Variants in SEC14L1 observed in about 807,000 individuals in gnomAD.
The protein encoded by SEC14L1 is SEC14-like protein 1.
In SEC14L1, 48 loss-of-function variants were observed where a neutral mutation model predicts 85.3. That is an observed-to-expected ratio of 0.56 (90% CI 0.45 to 0.72). The LOEUF (loss-of-function observed/expected upper bound fraction) is 0.72. Among genes scored for constraint, SEC14L1 ranks in the 30% least tolerant of loss-of-function variants. The pLI, the probability that SEC14L1 is intolerant of heterozygous loss-of-function variation, is 0.00. For missense variants in SEC14L1, 682 were observed against 921.4 expected, an observed-to-expected ratio of 0.74 and a Z score of 3.36; for synonymous variants, 391 against 355.5, an observed-to-expected ratio of 1.10 and a Z score of -1.12.
At chr17:77,096,651 C>A (rs1453440324) in intron 3 of SEC14L1, among the ~76,000 whole-genome samples, 1 of 152,070 alleles carries the variant, frequency 6.6e-6, no homozygotes, top group Non-Finnish European at 1.5e-5. Flanking sequence ...CTCTCTTCGT[C>A]CACTAGAGGA....
Position 77,190,798 on chromosome 17 carries a change from T to G in SEC14L1, c.64-5T>G. The G allele has an allele frequency of 6.2e-7, 1 of 1,614,160 alleles. No individual in the cohort carries two copies. The highest frequency in any genetic ancestry group is 8.5e-7 in the Non-Finnish European group (1 of 1,179,986). On this transcript the variant is annotated splice_region_variant and splice_polypyrimidine_tract_variant and intron_variant, in intron 3 of 16. Coordinates refer to ENST00000436233, the MANE Select transcript of SEC14L1 (RefSeq NM_001143998.2). ...CTTCTGCTTTCTTGGTTTTTAAATT[T>G]ATAGGCCTATGAAAGGAGGTTCCCT...
rs543186321 is a variant in SEC14L1 at position 77,198,730 on chromosome 17, C to A, written c.820-1754C>A. On this transcript the variant is annotated intron_variant, in intron 8 of 16. Transcript: ENST00000436233. Reference sequence around the variant, plus strand: ...GCTGGGACTCAGGCACCCGCCACCACGCCCAGATAATTTTTGTATTTTTAG... The same window carrying A: ...GCTGGGACTCAGGCACCCGCCACCAAGCCCAGATAATTTTTGTATTTTTAG... 1.6e-3 allele frequency among the ~76,000 whole-genome samples: 250 copies of A among 152,096 alleles called. 1 individual carries two copies. The highest frequency in any genetic ancestry group is 5.5e-3 in the African/African-American group (228 of 41,506).
In SEC14L1 at chr17:77,191,189, A is replaced by G; in HGVS notation, c.222A>G (p.Gly74=). 6.2e-7 allele frequency: 1 copy of G among 1,611,020 alleles called. No individual in the cohort carries two copies. Among genetic ancestry groups the G allele is most frequent in the Non-Finnish European group, 8.5e-7 (1 of 1,177,984 alleles). ...TTCTTTTTTTTTTGAAGATTGCAGG[A>G]GTTGATTATGTTTATTTTGTCCAGA... ...DAPRLLKKIA[G]VDYVYFVQKN... Residue 74 remains glycine (G), a synonymous_variant, in exon 5 of 17, where the codon GGA becomes GGG. Coordinates refer to ENST00000436233, the MANE Select transcript of SEC14L1 (RefSeq NM_001143998.2).
chr17:77,092,729 A>C (rs913898582), intron 2 of SEC14L1, among the ~76,000 whole-genome samples: 5 of 151,938 alleles, frequency 3.3e-5, no homozygotes, highest in African/African-American at 7.3e-5. Context: ...CGGGCGGATC[A>C]CCTGAGGTCG....
rs572667821 is a variant in SEC14L1 at position 77,117,283 on chromosome 17, G to A, written c.-136+23936G>A. ...AATTGCTTGAACCCGAGAGGTGGAGGTTGCAGTGAGCCAAGATCGAGCCAC... is the reference window on the plus strand; with the variant it reads ...AATTGCTTGAACCCGAGAGGTGGAGATTGCAGTGAGCCAAGATCGAGCCAC... On this transcript the variant is annotated intron_variant, in intron 3 of 19. Transcript: ENST00000392476. Among the ~76,000 whole-genome samples the A allele has an allele frequency of 2.6e-5, 4 of 152,204 alleles. No individual in the cohort carries two copies. The East Asian group carries it at 7.7e-4, about 29-fold the overall frequency.
chr17:77,195,624 A>G (rs1975772326), intron 7 of SEC14L1, among the ~76,000 whole-genome samples: 1 of 152,034 alleles, frequency 6.6e-6, no homozygotes, highest in African/African-American at 2.4e-5. Context: ...AGTAGCTGGG[A>G]TTATAAGCCT....
intron 2 of SEC14L1, among the ~76,000 whole-genome samples, chr17:77,092,079 G>T (rs552802550): frequency 6.6e-6 from 1 of 152,294 alleles, no homozygotes; most frequent in Admixed American, 6.5e-5. Context: ...AAAGTGCTGG[G>T]ATTACAGGCC....
In SEC14L1 at chr17:77,203,635, G is replaced by A. The variant is rs373124926; in HGVS notation, c.1075G>A (p.Gly359Arg). 1.8e-4 allele frequency: 296 copies of A among 1,613,400 alleles called. No individual in the cohort carries two copies. Among genetic ancestry groups the A allele is most frequent in the South Asian group, 3.4e-4 (31 of 90,988 alleles). ...MDTKGLVRAL[G>R]EEALLRYVLS... ...CACCAAAGGCTTGGTGAGAGCGCTCGGGGAGGAAGCCCTGCTGAGATACGT... is the reference window on the plus strand; with the variant it reads ...CACCAAAGGCTTGGTGAGAGCGCTCAGGGAGGAAGCCCTGCTGAGATACGT... Residue 359 changes from glycine (G) to arginine (R), a missense_variant, in exon 10 of 17, where the codon GGG (glycine) becomes AGG (arginine). Coordinates refer to ENST00000436233, the MANE Select transcript of SEC14L1 (RefSeq NM_001143998.2).
intron 11 of SEC14L1, among the ~76,000 whole-genome samples, chr17:77,205,584 G>A (rs894004011): frequency 4.6e-5 from 7 of 152,266 alleles, no homozygotes; most frequent in Admixed American, 1.3e-4. Context: ...TGTGCGGGCC[G>A]CAGGAGCCCA....
At chr17:77,140,072 G>A (rs969452459), upstream of SEC14L1, among the ~76,000 whole-genome samples, 2 of 152,214 alleles carry the variant, frequency 1.3e-5, no homozygotes, top group African/African-American at 4.8e-5. Flanking sequence ...TTGCATGTTG[G>A]TTATAAAACC....
chr17:77,122,148 T>C lies in SEC14L1; in HGVS notation c.-135-20498T>C, dbSNP rs561105704. 4.6e-5 allele frequency among the ~76,000 whole-genome samples: 7 copies of C among 152,344 alleles called. No individual in the cohort carries two copies. The South Asian group carries it at 1.4e-3, about 32-fold the overall frequency. On this transcript the variant is annotated intron_variant, in intron 3 of 19. Transcript: ENST00000392476. ...CAACAATTGTGCTATTTGAATTTTT[T>C]ACACACAGTAGGTGGATTGCTTCTG... is the stretch of plus-strand genomic sequence containing the variant.
In SEC14L1 at chr17:77,191,461, G is replaced by C. The variant is rs1422842423; in HGVS notation, c.345+149G>C. The C allele has an allele frequency of 6.7e-6, 6 of 892,834 alleles. No homozygotes were observed. In the Admixed American group the frequency reaches 1.1e-4, roughly 16 times the overall value. 55.3% of individuals were successfully genotyped at this position (892,834 alleles called of 1,614,324 possible). A position where few individuals can be genotyped will look rare whatever the true frequency, so the allele number is the denominator to read the frequency against. On this transcript the variant is annotated intron_variant, in intron 5 of 16. Coordinates refer to ENST00000436233, the MANE Select transcript of SEC14L1 (RefSeq NM_001143998.2). ...ACTCATTTCTCATGTGTAGGAGGAA[G>C]GGTAGCAGGTGTGGTCTCCTGCAGA...
At chr17:77,098,240 T>G (rs1427115564) in intron 3 of SEC14L1, among the ~76,000 whole-genome samples, 1 of 152,210 alleles carries the variant, frequency 6.6e-6, no homozygotes, top group African/African-American at 2.4e-5. Flanking sequence ...GGCTCATGTC[T>G]GTAATCCCAG....
At chr17:77,169,891 G>T (rs911544712) in intron 3 of SEC14L1, among the ~76,000 whole-genome samples, 1 of 152,182 alleles carries the variant, frequency 6.6e-6, no homozygotes, top group Non-Finnish European at 1.5e-5. Context: ...TTGGTAAAGT[G>T]AATGTAAGGC....
In SEC14L1 at chr17:77,215,299, A is replaced by AT; in HGVS notation, c.*1277dup. 1 of 985,296 alleles carries AT rather than the reference A, an allele frequency of 1.0e-6. No individual in the cohort carries two copies. The highest frequency in any genetic ancestry group is 1.2e-6 in the Non-Finnish European group (1 of 829,902). 61.0% of individuals were successfully genotyped at this position (985,296 alleles called of 1,614,324 possible). ...TATGGGAAAAGCAGGTTATTTGAGA[A>AT]TCTGTCCAGAAGTTGCATAGGGGAT... On this transcript the variant is annotated 3_prime_UTR_variant, in exon 17 of 17. Transcript: ENST00000436233.
chr17:77,101,588 G>C (rs1749673038), intron 3 of SEC14L1, among the ~76,000 whole-genome samples: 1 of 152,170 alleles, frequency 6.6e-6, no homozygotes, highest in Non-Finnish European at 1.5e-5. Context: ...TTGTTGTCTA[G>C]TTGAGTGCTT....
chr17:77,178,119 G>A (rs1251974898), intron 3 of SEC14L1, among the ~76,000 whole-genome samples: 2 of 129,496 alleles, frequency 1.5e-5, no homozygotes, highest in South Asian at 2.5e-4. Context: ...AGGACCCAAA[G>A]GTTTAGGGAA....
intron 3 of SEC14L1, among the ~76,000 whole-genome samples, chr17:77,167,227 A>G (rs1196488441): frequency 7.0e-6 from 1 of 143,712 alleles, no homozygotes; most frequent in African/African-American, 2.6e-5. Flanking sequence ...CTCCCAATTC[A>G]TTGTTGAAGC....
At chr17:77,172,575 G>A (rs767835130) in intron 3 of SEC14L1, among the ~76,000 whole-genome samples, 2 of 151,918 alleles carry the variant, frequency 1.3e-5, no homozygotes, top group African/African-American at 2.4e-5. Context: ...CCTTTTGAGC[G>A]TCTCTCAAAA....
Sources: allele counts gnomAD v4.1 joint callset (sites outside exome capture counted in the v4.1 genomes callset), GRCh38; gene constraint gnomAD v4.1.1; transcripts MANE v1.5; gene names NCBI Gene and HGNC (gene_info 2026-07-23, HGNC 2026-07-21).